BRPF3: variants seen among roughly 807,000 people sequenced by gnomAD.
BRPF3 encodes the protein bromodomain and PHD finger containing 3, also known as bromodomain and PHD finger-containing protein 3.
Under a neutral mutation model 102.0 loss-of-function variants are expected in BRPF3, and 18 were observed. The observed-to-expected ratio is 0.18, with a 90% CI of 0.12 to 0.26. BRPF3 has a LOEUF of 0.26. Ranked by LOEUF, BRPF3 falls within the 10% of genes least tolerant of loss-of-function variation. BRPF3 has a pLI of 1.00. For missense variants in BRPF3, 1,147 were observed against 1,567.8 expected (o/e 0.73, Z 4.53); for synonymous variants, 570 against 614.2 (o/e 0.93, Z 1.06).
chr6:36,210,609 G>A lies in BRPF3; in HGVS notation c.2179+81G>A. On this transcript the variant is annotated intron_variant, in intron 6 of 12. Coordinates refer to ENST00000357641, the MANE Select transcript of BRPF3 (RefSeq NM_015695.3). This position sits in a 1 kb window ranked among gnomAD's most constrained non-coding sequence, Gnocchi z 4.7. ...AGTCTACAGAGTGAGGGATCAGGGTGGTCCTTGGGGCTATAGGTAGACTCC... is the reference window on the plus strand; with the variant it reads ...AGTCTACAGAGTGAGGGATCAGGGTAGTCCTTGGGGCTATAGGTAGACTCC... The A allele has an allele frequency of 7.3e-7, 1 of 1,366,224 alleles. No homozygotes were observed. The highest frequency in any genetic ancestry group is 1.4e-5 in the South Asian group (1 of 71,666). The allele number at this position is 1,366,224 out of a possible 1,614,324, so 84.6% of individuals were successfully genotyped here. A position where few individuals can be genotyped will look rare whatever the true frequency, so the allele number is the denominator to read the frequency against.
chr6:36,199,522 C>G (rs983189068), intron 1 of BRPF3, among the ~76,000 whole-genome samples: 3 of 152,200 alleles, frequency 2.0e-5, no homozygotes, highest in Admixed American at 1.3e-4. Flanking sequence ...CACCTCTAGG[C>G]AGGGTCAAGG....
rs1227735736 is a variant in BRPF3, at chr6:36,211,494, C to T, written c.2416C>T (p.Pro806Ser). Reference sequence around the variant, plus strand: ...ATCCAATGGGGAGCTGCCAGCAGGGCCCCAGGGGGATGCAGCTGTGCTGGA... The same window carrying T: ...ATCCAATGGGGAGCTGCCAGCAGGGTCCCAGGGGGATGCAGCTGTGCTGGA... Reference protein sequence around the residue: ...TVSNGELPAGPQGDAAVLEQA... With the variant: ...TVSNGELPAGSQGDAAVLEQA... Residue 806 changes from proline to serine, a missense_variant, in exon 7 of 13, where the codon CCC (proline) becomes TCC (serine). Coordinates refer to ENST00000357641, the MANE Select transcript of BRPF3 (RefSeq NM_015695.3). 6.4e-7 allele frequency: 1 copy of T among 1,574,028 alleles called. No homozygotes were observed. Among genetic ancestry groups the T allele is most frequent in the Non-Finnish European group, 8.6e-7 (1 of 1,159,584 alleles).
At chr6:36,216,661 A>G (rs1236989352) in intron 8 of BRPF3, among the ~76,000 whole-genome samples, 2 of 152,224 alleles carry the variant, frequency 1.3e-5, no homozygotes, top group Non-Finnish European at 2.9e-5. Context: ...TCTGTAATCT[A>G]CAGCTTTCAA....
chr6:36,212,613 A>G (rs891660301), intron 7 of BRPF3, among the ~76,000 whole-genome samples: 5 of 149,192 alleles, frequency 3.4e-5, no homozygotes, highest in Non-Finnish European at 4.4e-5. Context: ...CTCACCTCCC[A>G]TAGATTCAGT....
chr6:36,203,844 T>C (rs1204667803), intron 2 of BRPF3, among the ~76,000 whole-genome samples: 1 of 152,226 alleles, frequency 6.6e-6, no homozygotes, highest in Non-Finnish European at 1.5e-5. Context: ...TTATTAGCTG[T>C]ATTAGTTACT....
intron 9 of BRPF3, among the ~76,000 whole-genome samples, chr6:36,219,884 C>T (rs537702589): frequency 1.3e-5 from 2 of 152,310 alleles, no homozygotes; most frequent in African/African-American, 2.4e-5. Context: ...TCACTTACCC[C>T]TTGGTTTATC....
chr6:36,230,170 CAG>C lies in BRPF3; in HGVS notation c.3435-253_3435-252del, dbSNP rs1768888315. 6.6e-6 allele frequency among the ~76,000 whole-genome samples: 1 copy of C among 152,142 alleles called. No homozygotes were observed. Among genetic ancestry groups the C allele is most frequent in the South Asian group, 2.1e-4 (1 of 4,830 alleles). ...CTATGGACCCTTACAACTCTCCAAACAGAGTAAGGGCCCAGAGAAGGACCTAG... is the reference window on the plus strand; with the variant it reads ...CTATGGACCCTTACAACTCTCCAAACAGTAAGGGCCCAGAGAAGGACCTAG... On this transcript the variant is annotated intron_variant, in intron 12 of 12. Coordinates refer to ENST00000357641, the MANE Select transcript of BRPF3 (RefSeq NM_015695.3). This position sits in a 1 kb window ranked among gnomAD's most constrained non-coding sequence, Gnocchi z 5.4.
chr6:36,224,915 A>G (rs186538599), intron 10 of BRPF3, among the ~76,000 whole-genome samples: 72 of 152,354 alleles, frequency 4.7e-4, no homozygotes, highest in African/African-American at 1.6e-3. Context: ...ATGAAATTCA[A>G]ATTTCAGTGT....
intron 1 of BRPF3, among the ~76,000 whole-genome samples, chr6:36,198,128 C>T (rs1767570863): frequency 6.6e-6 from 1 of 152,148 alleles, no homozygotes; most frequent in Non-Finnish European, 1.5e-5. Context: ...CTCTGGAACC[C>T]GGACAGAATT....
At position 36,214,033 on chromosome 6, in the gene BRPF3, A is replaced by T; in HGVS notation, c.2636A>T (p.Glu879Val). The T allele has an allele frequency of 6.2e-7, 1 of 1,614,194 alleles. No individual in the cohort carries two copies. ...SRFLKPRKVE[E>V]DELLEKSPLQ... ...TTCCTAAAGCCCAGAAAGGTGGAAGAAGATGAGCTCTTGGAAAAATCACCA... is the reference window on the plus strand; with the variant it reads ...TTCCTAAAGCCCAGAAAGGTGGAAGTAGATGAGCTCTTGGAAAAATCACCA... The change falls in exon 8 of 13, where the codon GAA (glutamate) becomes GTA (valine). Residue 879 changes from glutamate (E) to valine (V), a missense_variant. By Grantham distance (121) the Glu-to-Val change is moderately radical (BLOSUM62 -2). Around this residue, in one of 11 missense-constraint regions of BRPF3, gnomAD observed 379 missense variants for 426.3 expected, o/e 0.89. Transcript: ENST00000357641.
At chr6:36,197,785 T>G (rs1767557983) in intron 1 of BRPF3, among the ~76,000 whole-genome samples, 1 of 152,170 alleles carries the variant, frequency 6.6e-6, no homozygotes, top group South Asian at 2.1e-4. Context: ...ACTCTTTTCA[T>G]TTCCCTCATC....
At position 36,220,118 on chromosome 6, in the gene BRPF3, A is replaced by G. The variant is rs117335665; in HGVS notation, c.3084-2050A>G. 8.1e-4 allele frequency among the ~76,000 whole-genome samples: 123 copies of G among 152,354 alleles called. No individual in the cohort carries two copies. The East Asian group carries it at 0.02, about 25-fold the overall frequency. On this transcript the variant is annotated intron_variant, in intron 9 of 12. Transcript: ENST00000357641. ...TTGGGTTGTCTGCTTAGGCTGGGGT[A>G]ACTTGGAGAAAGGGCTGAAATGCAG...
intron 11 of BRPF3, among the ~76,000 whole-genome samples, chr6:36,226,312 C>A (rs2127297216): frequency 6.6e-6 from 1 of 152,282 alleles, no homozygotes; most frequent in East Asian, 1.9e-4. Flanking sequence ...CTTTTCATTT[C>A]TGTCATAGTA....
chr6:36,230,637 C>G lies in BRPF3; in HGVS notation c.*28C>G. The G allele has an allele frequency of 6.2e-7, 1 of 1,607,630 alleles. No individual in the cohort carries two copies. Among genetic ancestry groups the G allele is most frequent in the Non-Finnish European group, 8.5e-7 (1 of 1,175,644 alleles). ...GCAGGGCTGGGCCTGCATCCGCTTG[C>G]CCTGCCTCCATCCCGCAGGGCACAG... On this transcript the variant is annotated 3_prime_UTR_variant, in exon 13 of 13. Transcript: ENST00000357641. The surrounding 1 kb of genome is among the most constrained non-coding windows in gnomAD (Gnocchi z 5.4).
chr6:36,217,890 C>CCCGGAAGCGGCCAAGG, intron 8 of BRPF3, 27 bp from the exon 9 acceptor site: 1 of 1,605,120 alleles, frequency 6.2e-7, no homozygotes, highest in Non-Finnish European at 8.5e-7. Context: ...TTTCTGCACT[C>CCCGGAAGCGGCCAAGG]AGACTCACTG....
At chr6:36,220,800 TACA>T (rs1768508094) in intron 9 of BRPF3, among the ~76,000 whole-genome samples, 2 of 152,344 alleles carry the variant, frequency 1.3e-5, no homozygotes, top group African/African-American at 4.8e-5. Context: ...CCAACCTAAC[TACA>T]GGTTACTGAA....
At chr6:36,226,032 T>G (rs79631742) in intron 11 of BRPF3, among the ~76,000 whole-genome samples, 5,683 of 152,336 alleles carry the variant, frequency 0.037, 215 homozygotes, top group African/African-American at 0.097. Flanking sequence ...AACATCACTT[T>G]TAATGATTGC....
chr6:36,204,678 GTC>G lies in BRPF3; in HGVS notation c.1474_1475del (p.Ser492LeufsTer42), dbSNP rs1767841462. 1 of 1,614,046 alleles carries G rather than the reference GTC, an allele frequency of 6.2e-7. No homozygotes were observed. Among genetic ancestry groups the G allele is most frequent in the Non-Finnish European group, 8.5e-7 (1 of 1,180,050 alleles). On this transcript the variant is annotated frameshift_variant, in exon 3 of 13. Transcript: ENST00000357641. LOFTEE classifies it high-confidence loss of function. ...TCAAGGTTGAACAAGATCTGTAGTG[GTC>G]TCTCCTTTCAGAGGAAAAACCAGTT... is the stretch of plus-strand genomic sequence containing the variant.
At chr6:36,213,405 CT>C (rs1384139842) in intron 7 of BRPF3, among the ~76,000 whole-genome samples, 1 of 152,142 alleles carries the variant, frequency 6.6e-6, no homozygotes, top group Non-Finnish European at 1.5e-5. Context: ...AAACTTACTT[CT>C]CCTGGGGATG....
Sources: allele counts gnomAD v4.1 joint callset (sites outside exome capture counted in the v4.1 genomes callset), GRCh38; gene constraint gnomAD v4.1.1; regional missense constraint gnomAD v4.1.1; non-coding constraint Gnocchi (gnomAD v3.1); transcripts MANE v1.5; gene names NCBI Gene and HGNC (gene_info 2026-07-23, HGNC 2026-07-21).